The following UBE2E3 variants were observed in gnomAD, a reference collection of about 807,000 sequenced individuals.
The protein encoded by UBE2E3 is ubiquitin conjugating enzyme E2 E3.
UBE2E3 carries 5 observed loss-of-function variants against 23.6 expected under a neutral mutation model. The observed-to-expected ratio is 0.21, with a 90% CI of 0.11 to 0.44. The LOEUF is 0.44. Ranked by LOEUF, UBE2E3 falls within the 20% of genes least tolerant of loss-of-function variation. The pLI is 0.99. For synonymous variants in UBE2E3, 78 were observed against 87.5 expected, an observed-to-expected ratio of 0.89 and a Z score of 0.60; for missense variants, 81 against 249.8, an observed-to-expected ratio of 0.32 and a Z score of 4.55.
At chr2:181,061,583 A>G (rs980280950) in intron 5 of UBE2E3, among the ~76,000 whole-genome samples, 1 of 151,566 alleles carries the variant, frequency 6.6e-6, no homozygotes, top group Non-Finnish European at 1.5e-5. Flanking sequence ...GTGTAGTAGT[A>G]ATGGATATTA....
chr2:180,989,360 TAATA>T (rs912192626), intron 3 of UBE2E3, among the ~76,000 whole-genome samples: 21 of 152,286 alleles, frequency 1.4e-4, no homozygotes, highest in African/African-American at 4.3e-4. Context: ...GAAGGTCTGT[TAATA>T]AATAAATTGA....
intron 3 of UBE2E3, among the ~76,000 whole-genome samples, chr2:181,033,217 G>A (rs1686142433): frequency 1.3e-5 from 2 of 152,272 alleles, no homozygotes; most frequent in Middle Eastern, 3.4e-3. Flanking sequence ...AGCCCGCATT[G>A]CCAAGACAAT....
chr2:180,991,635 T>C (rs980158065), intron 3 of UBE2E3, among the ~76,000 whole-genome samples: 5 of 152,178 alleles, frequency 3.3e-5, no homozygotes, highest in African/African-American at 9.7e-5. Flanking sequence ...AACATGAGAT[T>C]TTTTTTGCGA....
intron 3 of UBE2E3, among the ~76,000 whole-genome samples, chr2:181,040,287 C>T (rs972920631): frequency 6.6e-6 from 1 of 152,238 alleles, no homozygotes; most frequent in Non-Finnish European, 1.5e-5. Flanking sequence ...GGGACATTGA[C>T]CTGTCTCTAG....
At chr2:181,044,909 C>T (rs1032261735) in intron 3 of UBE2E3, among the ~76,000 whole-genome samples, 1 of 152,110 alleles carries the variant, frequency 6.6e-6, no homozygotes, top group Admixed American at 6.6e-5. Flanking sequence ...ATTAATAATA[C>T]ATTTTCTCTT....
intron 3 of UBE2E3, among the ~76,000 whole-genome samples, chr2:180,991,793 A>G (rs1049430497): frequency 4.0e-5 from 6 of 150,802 alleles, no homozygotes; most frequent in African/African-American, 1.5e-4. Context: ...CAGTATGGAT[A>G]AACTGGACAA....
intron 3 of UBE2E3, among the ~76,000 whole-genome samples, chr2:180,990,572 A>C (rs1684627248): frequency 6.6e-6 from 1 of 152,202 alleles, no homozygotes; most frequent in Admixed American, 6.5e-5. Flanking sequence ...TTTTATGTGA[A>C]ACCACAGGAA....
intron 3 of UBE2E3, among the ~76,000 whole-genome samples, chr2:180,999,926 G>A (rs887279645): frequency 6.6e-6 from 1 of 152,160 alleles, no homozygotes; most frequent in Non-Finnish European, 1.5e-5. Flanking sequence ...GCATGTTTAT[G>A]AAAGAACATT....
chr2:181,022,753 C>T (rs200139502), intron 3 of UBE2E3, among the ~76,000 whole-genome samples: 3 of 151,850 alleles, frequency 2.0e-5, no homozygotes, highest in Non-Finnish European at 4.4e-5. Context: ...AAAAAAACCC[C>T]ACAGGTTTAC....
intron 3 of UBE2E3, among the ~76,000 whole-genome samples, chr2:181,033,311 G>A (rs1156867541): frequency 6.6e-6 from 1 of 152,114 alleles, no homozygotes; most frequent in East Asian, 1.9e-4. Context: ...AAAACAGCAG[G>A]GTACTGGTAC....
chr2:181,043,038 A>G (rs111387343), intron 3 of UBE2E3, among the ~76,000 whole-genome samples: 1 of 152,224 alleles, frequency 6.6e-6, no homozygotes, highest in Non-Finnish European at 1.5e-5. Context: ...TTAAAAGTCA[A>G]GTCTTATGCC....
chr2:181,031,607 C>G (rs777694042), intron 3 of UBE2E3, among the ~76,000 whole-genome samples: 1 of 152,088 alleles, frequency 6.6e-6, no homozygotes, highest in Non-Finnish European at 1.5e-5. Flanking sequence ...CGACTACTTT[C>G]TGTTTTTCTC....
chr2:180,982,284 A>G lies in UBE2E3; in HGVS notation c.194+48A>G, dbSNP rs1466440141. 1.9e-6 allele frequency: 3 copies of G among 1,560,662 alleles called. No homozygotes were observed. In the East Asian group the frequency reaches 6.8e-5, roughly 35 times the overall value. On this transcript the variant is annotated intron_variant, in intron 2 of 5. Transcript: ENST00000410062. ...AGCACACTTTGTCAGGTTGTCTTCC[A>G]GGTGGTTGGACGCTTTTGTTGGTTT...
intron 3 of UBE2E3, among the ~76,000 whole-genome samples, chr2:181,045,380 A>G (rs545190730): frequency 1.3e-5 from 2 of 152,334 alleles, no homozygotes; most frequent in South Asian, 4.1e-4. Context: ...GAGTTTTGGC[A>G]AAAGTTATAA....
intron 3 of UBE2E3, chr2:180,989,791 A>C: frequency 7.5e-7 from 1 of 1,331,810 alleles, no homozygotes; most frequent in East Asian, 2.6e-5. Flanking sequence ...ATGCTCACAT[A>C]ACCAGTCATA....
At chr2:181,034,918 A>G (rs1225534702) in intron 3 of UBE2E3, among the ~76,000 whole-genome samples, 1 of 152,232 alleles carries the variant, frequency 6.6e-6, no homozygotes, top group African/African-American at 2.4e-5. Flanking sequence ...AGAATATGAA[A>G]TACTAACATT....
At chr2:181,041,269 T>C (rs1686494589) in intron 3 of UBE2E3, among the ~76,000 whole-genome samples, 3 of 144,974 alleles carry the variant, frequency 2.1e-5, no homozygotes, top group Admixed American at 7.0e-5. Flanking sequence ...ATTTTTTTTT[T>C]CTTCATATAG....
At chr2:181,005,076 A>C (rs1685108736) in intron 3 of UBE2E3, among the ~76,000 whole-genome samples, 2 of 152,226 alleles carry the variant, frequency 1.3e-5, no homozygotes, top group South Asian at 4.1e-4. Flanking sequence ...GCGGCATACA[A>C]CTCAAACCAA....
chr2:180,987,262 G>T, intron 3 of UBE2E3: 1 of 1,483,006 alleles, frequency 6.7e-7, no homozygotes, highest in South Asian at 1.2e-5. Flanking sequence ...TTCCCTATTT[G>T]TATTTATTGA....
Sources: allele counts gnomAD v4.1 joint callset (sites outside exome capture counted in the v4.1 genomes callset), GRCh38; gene constraint gnomAD v4.1.1; transcripts MANE v1.5; gene names NCBI Gene and HGNC (gene_info 2026-07-23, HGNC 2026-07-21).